EDEM2: variants seen among roughly 807,000 people sequenced by gnomAD.
The protein encoded by EDEM2 is ER degradation-enhancing alpha-mannosidase-like protein 2.
Under a neutral mutation model 64.8 loss-of-function variants are expected in EDEM2, and 39 were observed. The ratio of observed to expected loss-of-function variants is 0.60; its 90% CI spans 0.47 to 0.79. The LOEUF (loss-of-function observed/expected upper bound fraction) is 0.79, where lower values mean the gene tolerates loss of function less well. Ranked by LOEUF, EDEM2 falls within the 30% of genes least tolerant of loss-of-function variation. The pLI is 0.00. For synonymous variants in EDEM2, 296 were observed against 291.5 expected, an observed-to-expected ratio of 1.02 and a Z score of -0.16; for missense variants, 609 against 731.3, an observed-to-expected ratio of 0.83 and a Z score of 1.93.
intron 5 of EDEM2, among the ~76,000 whole-genome samples, 196 bp downstream of exon 5, chr20:35,137,684 C>A (rs548842014): frequency 1.3e-5 from 2 of 152,218 alleles, no homozygotes; most frequent in Non-Finnish European, 2.9e-5. Context: ...CTCATCCATC[C>A]GGGTCAGGGC....
chr20:35,116,642 G>A (rs956468255), intron 10 of EDEM2, among the ~76,000 whole-genome samples: 1 of 152,152 alleles, frequency 6.6e-6, no homozygotes, highest in African/African-American at 2.4e-5. Context: ...TCTATGACAT[G>A]ACAATCTCCT....
intron 6 of EDEM2, among the ~76,000 whole-genome samples, chr20:35,132,298 T>C (rs2085515774): frequency 6.6e-6 from 1 of 151,950 alleles, no homozygotes; most frequent in East Asian, 1.9e-4. Flanking sequence ...CTGAGTACCC[T>C]TTTTTGTATC....
Position 35,147,160 on chromosome 20 carries a change from G to C in EDEM2, c.99C>G (p.Ala33=). 3 of 1,600,782 alleles carry C rather than the reference G, an allele frequency of 1.9e-6. No homozygotes were observed. Among genetic ancestry groups the C allele is most frequent in the Non-Finnish European group, 2.6e-6 (3 of 1,171,942 alleles). The change falls in exon 1 of 11, where the codon GCC becomes GCG. Residue 33 remains alanine, a synonymous_variant. Transcript: ENST00000374492. ...PGPDGSAPDP[A]HYRERVKAMF... Reference sequence around the variant, plus strand: ...GGCGGGTCACAGTTCACCTGTAGTGGGCGGGATCTGGCGCGGAGCCGTCGG... The same window carrying C: ...GGCGGGTCACAGTTCACCTGTAGTGCGCGGGATCTGGCGCGGAGCCGTCGG...
At chr20:35,116,699 G>A (rs909152816) in intron 10 of EDEM2, among the ~76,000 whole-genome samples, 3 of 152,028 alleles carry the variant, frequency 2.0e-5, no homozygotes, top group Non-Finnish European at 2.9e-5. Context: ...AGAGCTAATC[G>A]TCCCTTTTAA....
At chr20:35,131,548 G>T in intron 7 of EDEM2, 94 bp downstream of exon 7, 1 of 1,476,714 alleles carries the variant, frequency 6.8e-7, no homozygotes. Context: ...CCTGGGAGAT[G>T]GAGCAAGACT....
chr20:35,134,597 C>G (rs2146104980), intron 6 of EDEM2, 141 bp downstream of exon 6: 5 of 883,188 alleles, frequency 5.7e-6, no homozygotes, highest in Non-Finnish European at 8.5e-6. Flanking sequence ...GAGGCTTGGT[C>G]TATTTTTGGT....
chr20:35,117,686 T>C (rs963826877), intron 10 of EDEM2, among the ~76,000 whole-genome samples: 5 of 152,244 alleles, frequency 3.3e-5, no homozygotes, highest in African/African-American at 9.6e-5. Flanking sequence ...GTTGTTGTTT[T>C]GAATTCCATA....
In EDEM2 at chr20:35,134,825, C is replaced by T. The variant is rs556512207; in HGVS notation, c.615G>A (p.Leu205=). 3.7e-6 allele frequency: 6 copies of T among 1,614,168 alleles called. No homozygotes were observed. In the East Asian group the frequency reaches 1.3e-4, roughly 36 times the overall value. The part of the protein sequence containing the change: ...IGTFIVEFAT[L]SSLTGDPVFE... ...ACACCGGGTCACCAGTGAGGCTGCT[C>T]AGGGTGGCAAATTCAACAATGAAGG... The change falls in exon 6 of 11, where the codon CTG becomes CTA. Residue 205 remains leucine, a synonymous_variant. Coordinates refer to ENST00000374492, the MANE Select transcript of EDEM2 (RefSeq NM_018217.3).
chr20:35,140,900 ACC>A (rs2085644535), intron 4 of EDEM2, among the ~76,000 whole-genome samples: 1 of 152,084 alleles, frequency 6.6e-6, no homozygotes, highest in Non-Finnish European at 1.5e-5. Flanking sequence ...GGGGCGGATC[ACC>A]TGAGGTCAGG....
intron 8 of EDEM2, among the ~76,000 whole-genome samples, chr20:35,125,740 T>A (rs949729686): frequency 6.6e-6 from 1 of 152,112 alleles, no homozygotes; most frequent in Non-Finnish European, 1.5e-5. Context: ...GTGGGACTAC[T>A]TTTTCTTAAA....
At chr20:35,130,496 GA>G (rs2085493304) in intron 7 of EDEM2, among the ~76,000 whole-genome samples, 2 of 151,994 alleles carry the variant, frequency 1.3e-5, no homozygotes, top group Non-Finnish European at 2.9e-5. Flanking sequence ...TAAGAGACAG[GA>G]AAAAAAGAAA....
chr20:35,138,581 T>G (rs1245269054), intron 4 of EDEM2, among the ~76,000 whole-genome samples: 1 of 139,920 alleles, frequency 7.1e-6, no homozygotes, highest in Non-Finnish European at 1.6e-5. Context: ...TATGTAGAAC[T>G]TTTTTTTTTT....
intron 6 of EDEM2, among the ~76,000 whole-genome samples, chr20:35,133,547 A>G (rs1330547355): frequency 6.6e-6 from 1 of 150,706 alleles, no homozygotes. Flanking sequence ...GCTCATCCCA[A>G]CCTCCACCTC....
chr20:35,120,711 T>C (rs1331140625), intron 9 of EDEM2, among the ~76,000 whole-genome samples: 2 of 151,490 alleles, frequency 1.3e-5, no homozygotes, highest in South Asian at 2.1e-4. Flanking sequence ...AATTCTCCTG[T>C]CTCAGCCTCC....
intron 5 of EDEM2, among the ~76,000 whole-genome samples, chr20:35,136,667 C>T (rs954391999): frequency 1.4e-5 from 2 of 143,500 alleles, no homozygotes. Context: ...GTGGGAGAAT[C>T]AACTGAGCCC....
In EDEM2 at chr20:35,137,999, C is replaced by T; in HGVS notation, c.371G>A (p.Gly124Glu). ...GAGCAGATGAGCAGACAGGAGTCCT[C>T]CTACCACTACAGATGGCACAGAAAG... ...SVFETNIRVVGGLLSAHLLSK... is the reference protein window; with the variant it reads ...SVFETNIRVVEGLLSAHLLSK... The change falls in exon 5 of 11, where the codon GGA becomes GAA. Residue 124 changes from glycine (G) to glutamate (E), a missense_variant. By Grantham distance (98) the Gly-to-Glu change is moderately conservative. Transcript: ENST00000374492. 1 of 1,614,052 alleles carries T rather than the reference C, an allele frequency of 6.2e-7. No homozygotes were observed. The highest frequency in any genetic ancestry group is 8.5e-7 in the Non-Finnish European group (1 of 1,179,966).
chr20:35,145,065 C>G lies in EDEM2; in HGVS notation c.219-47G>C, dbSNP rs184975340. 2.5e-6 allele frequency: 4 copies of G among 1,602,816 alleles called. No individual in the cohort carries two copies. In the East Asian group the frequency reaches 6.7e-5, roughly 27 times the overall value. The stretch of plus-strand genomic sequence containing the variant: ...AGCCGCTTAGTAAGAAAATCAAATA[C>G]CAGATATTATGGCTGCCCTAGATCT... On this transcript the variant is annotated intron_variant, in intron 2 of 10. Transcript: ENST00000374492.
Position 35,120,810 on chromosome 20 carries a change from C to T in EDEM2, c.1115-2091G>A, listed in dbSNP as rs142895482. Among the ~76,000 whole-genome samples, 219 of 152,272 alleles carry T rather than the reference C, an allele frequency of 1.4e-3. 1 individual carries two copies. The highest frequency in any genetic ancestry group is 5.1e-3 in the African/African-American group (213 of 41,558). Reference sequence around the variant, plus strand: ...ACAGGGTTTCGCCATATTGGTCAGGCTGGTCTCGAACTCCTGACCTCAGTT... The same window carrying T: ...ACAGGGTTTCGCCATATTGGTCAGGTTGGTCTCGAACTCCTGACCTCAGTT... On this transcript the variant is annotated intron_variant, in intron 9 of 10. Transcript: ENST00000374492.
chr20:35,129,841 A>G (rs552727568), intron 7 of EDEM2, among the ~76,000 whole-genome samples: 1 of 152,298 alleles, frequency 6.6e-6, no homozygotes, highest in South Asian at 2.1e-4. Context: ...TCAGTAGAGT[A>G]ACATGCTGTA....
Sources: allele counts gnomAD v4.1 joint callset (sites outside exome capture counted in the v4.1 genomes callset), GRCh38; gene constraint gnomAD v4.1.1; transcripts MANE v1.5; gene names NCBI Gene and HGNC (gene_info 2026-07-23, HGNC 2026-07-21).